Variants in ATF6 observed in about 807,000 individuals in gnomAD.
ATF6 encodes the protein cyclic AMP-dependent transcription factor ATF-6 alpha.
Under a neutral mutation model 83.6 loss-of-function variants are expected in ATF6, and 53 were observed. The observed-to-expected ratio is 0.63, with a 90% CI of 0.51 to 0.80. The LOEUF (loss-of-function observed/expected upper bound fraction) is 0.80, where lower values mean the gene tolerates loss of function less well. ATF6 is among the 30% of genes least tolerant of loss of function. ATF6 has a pLI of 0.00. For synonymous variants in ATF6, 288 were observed against 285.8 expected, an observed-to-expected ratio of 1.01 and a Z score of -0.08; for missense variants, 744 against 797.9, an observed-to-expected ratio of 0.93 and a Z score of 0.81.
chr1:161,824,883 G>A (rs905685325), intron 9 of ATF6, among the ~76,000 whole-genome samples: 1 of 152,074 alleles, frequency 6.6e-6, no homozygotes, highest in Non-Finnish European at 1.5e-5. Context: ...AATCAGATAT[G>A]TAAACAACTG....
At chr1:161,888,291 G>A (rs960986631) in intron 14 of ATF6, among the ~76,000 whole-genome samples, 3 of 152,056 alleles carry the variant, frequency 2.0e-5, no homozygotes, top group African/African-American at 4.8e-5. Flanking sequence ...TTGTTAAACC[G>A]TATATACCAT....
At chr1:161,845,203 C>A (rs1686452816) in intron 9 of ATF6, among the ~76,000 whole-genome samples, 1 of 152,082 alleles carries the variant, frequency 6.6e-6, no homozygotes, top group African/African-American at 2.4e-5. Flanking sequence ...CACTGATTTC[C>A]CCAAATTTGG....
chr1:161,802,746 G>A (rs1685187528), intron 7 of ATF6, among the ~76,000 whole-genome samples: 3 of 152,110 alleles, frequency 2.0e-5, no homozygotes, highest in African/African-American at 7.2e-5. Flanking sequence ...ATGATGACTA[G>A]CTACTCTTAG....
At position 161,846,545 on chromosome 1, in the gene ATF6, C is replaced by G. The variant is rs889410776; in HGVS notation, c.1284C>G (p.Asp428Glu). 6.2e-7 allele frequency: 1 copy of G among 1,610,912 alleles called. No homozygotes were observed. Among genetic ancestry groups the G allele is most frequent in the South Asian group, 1.1e-5 (1 of 90,904 alleles). ...LLGFSAKEAQ[D>E]TSDGIIQKNS... ...GATTTTCTGCTAAAGAGGCACAGGA[C>G]ACATCAGATGGTATTATCCAGAAAA... Residue 428 changes from aspartate to glutamate, a missense_variant, in exon 10 of 16, where the codon GAC becomes GAG. By Grantham distance (45) the Asp-to-Glu change is conservative. Transcript: ENST00000367942.
intron 14 of ATF6, among the ~76,000 whole-genome samples, chr1:161,907,696 A>G (rs1349773599): frequency 1.3e-5 from 2 of 152,208 alleles, no homozygotes; most frequent in African/African-American, 4.8e-5. Context: ...TTAATAAACA[A>G]TACTGGCTAA....
At chr1:161,766,677 A>G (rs1353978422) in intron 1 of ATF6, among the ~76,000 whole-genome samples, 4 of 152,160 alleles carry the variant, frequency 2.6e-5, no homozygotes, top group African/African-American at 9.7e-5. Context: ...GTTTTTCACT[A>G]TTCCCACTGG....
chr1:161,910,580 T>G (rs1687971520), intron 14 of ATF6, among the ~76,000 whole-genome samples: 1 of 152,222 alleles, frequency 6.6e-6, no homozygotes, highest in Non-Finnish European at 1.5e-5. Context: ...AGTCTGAGCC[T>G]GACCTTAACC....
At position 161,874,337 on chromosome 1, in the gene ATF6, T is replaced by A. The variant is rs534697144; in HGVS notation, c.1719+11025T>A. On this transcript the variant is annotated intron_variant, in intron 14 of 15. Transcript: ENST00000367942. ...GAAAGATGAGACTACCCCTGCATAGTGCTTATTTCTTGCATGGAATGAATT... is the reference window on the plus strand; with the variant it reads ...GAAAGATGAGACTACCCCTGCATAGAGCTTATTTCTTGCATGGAATGAATT... Among the ~76,000 whole-genome samples the A allele has an allele frequency of 2.0e-5, 3 of 151,782 alleles. No homozygotes were observed. In the South Asian group the frequency reaches 6.2e-4, roughly 31 times the overall value.
chr1:161,899,880 G>A (rs1193465453), intron 14 of ATF6, among the ~76,000 whole-genome samples: 2 of 152,070 alleles, frequency 1.3e-5, no homozygotes, highest in African/African-American at 4.8e-5. Flanking sequence ...GATCACAGCA[G>A]GTTCTCAAAA....
intron 6 of ATF6, among the ~76,000 whole-genome samples, chr1:161,795,839 C>T (rs1685005165): frequency 6.6e-6 from 1 of 152,220 alleles, no homozygotes; most frequent in Non-Finnish European, 1.5e-5. Flanking sequence ...ACCAAGTCAC[C>T]ATGAGAGTTT....
At chr1:161,849,320 A>T (rs900482609) in intron 10 of ATF6, among the ~76,000 whole-genome samples, 2 of 152,196 alleles carry the variant, frequency 1.3e-5, no homozygotes, top group African/African-American at 4.8e-5. Context: ...CCTTACAGCC[A>T]CAAGAGAGGA....
chr1:161,855,388 T>A (rs1212902634), intron 12 of ATF6, among the ~76,000 whole-genome samples: 1 of 152,186 alleles, frequency 6.6e-6, no homozygotes, highest in East Asian at 1.9e-4. Flanking sequence ...GTGATACCAT[T>A]TACTGAGACC....
chr1:161,938,415 A>G (rs1688579798), intron 15 of ATF6, among the ~76,000 whole-genome samples: 1 of 152,204 alleles, frequency 6.6e-6, no homozygotes, highest in Non-Finnish European at 1.5e-5. Context: ...TTCCTATTAA[A>G]TGATAGTGAT....
intron 8 of ATF6, 91 bp from the exon 9 acceptor site, chr1:161,820,979 A>C: frequency 5.2e-4 from 352 of 676,314 alleles, no homozygotes; most frequent in Non-Finnish European, 7.3e-4. Flanking sequence ...AGATTTACGT[A>C]ACCGGTAAAG....
chr1:161,944,711 C>A (rs1032369995), intron 15 of ATF6, among the ~76,000 whole-genome samples: 8 of 152,190 alleles, frequency 5.3e-5, no homozygotes, highest in Non-Finnish European at 8.8e-5. Flanking sequence ...TCACCACTGC[C>A]TCCTCAGAGT....
At chr1:161,903,943 A>T (rs1687838529) in intron 14 of ATF6, among the ~76,000 whole-genome samples, 1 of 152,176 alleles carries the variant, frequency 6.6e-6, no homozygotes, top group African/African-American at 2.4e-5. Context: ...CAGACTTACC[A>T]TGTAAGAAAT....
intron 14 of ATF6, among the ~76,000 whole-genome samples, chr1:161,885,246 T>C (rs1358141027): frequency 6.6e-6 from 1 of 152,112 alleles, no homozygotes; most frequent in Non-Finnish European, 1.5e-5. Context: ...CCTATATTAA[T>C]AAGAAGCTAT....
At chr1:161,869,611 C>T (rs936531039) in intron 14 of ATF6, among the ~76,000 whole-genome samples, 19 of 151,632 alleles carry the variant, frequency 1.3e-4, no homozygotes, top group Non-Finnish European at 2.2e-4. Context: ...TTTAAAAAAC[C>T]TTCTTTTAGA....
At position 161,863,307 on chromosome 1, in the gene ATF6, C is replaced by A. The variant is rs760001414; in HGVS notation, c.1714C>A (p.Arg572=). The A allele has an allele frequency of 3.1e-6, 5 of 1,602,906 alleles. No homozygotes were observed. The South Asian group carries it at 3.3e-5, about 11-fold the overall frequency. ...AGACACATTTTATGTTGTGTCATTT[C>A]GAAGGGTAAGTTCATCTTGAAAGAA... ...RGDTFYVVSF[R]RDHLLLPATT... The change falls in exon 14 of 16, where the codon CGA becomes AGA. Residue 572 remains arginine (R), a synonymous_variant. Coordinates refer to ENST00000367942, the MANE Select transcript of ATF6 (RefSeq NM_007348.4).
Sources: gnomAD v4.1 joint callset for allele counts (sites outside exome capture counted in the v4.1 genomes callset) on GRCh38, gnomAD v4.1.1 for gene constraint, MANE v1.5 for transcripts, NCBI Gene and HGNC (gene_info 2026-07-23, HGNC 2026-07-21) for gene names.